The following PARP6 variants were observed in gnomAD, a reference collection of about 807,000 sequenced individuals.
PARP6 encodes the protein protein mono-ADP-ribosyltransferase PARP6.
Under a neutral mutation model 92.0 loss-of-function variants are expected in PARP6, and 27 were observed. That is an observed-to-expected ratio of 0.29 (90% CI 0.22 to 0.40). PARP6 has a LOEUF of 0.40. PARP6 is among the 10% of genes least tolerant of loss of function. The pLI, the probability that PARP6 is intolerant of heterozygous loss-of-function variation, is 1.00. For synonymous variants in PARP6, 272 were observed against 281.2 expected, an observed-to-expected ratio of 0.97 and a Z score of 0.33; for missense variants, 501 against 784.5, an observed-to-expected ratio of 0.64 and a Z score of 4.32.
chr15:72,264,958 T>G (rs1169477408), intron 7 of PARP6, 123 bp downstream of exon 7: 1 of 671,900 alleles, frequency 1.5e-6, no homozygotes, highest in Non-Finnish European at 2.7e-6. Flanking sequence ...AAAAAGCCCC[T>G]ACCAATAGCC....
At chr15:72,266,686 C>T (rs1390106481) in intron 4 of PARP6, 59 bp downstream of exon 4, 15 of 1,256,488 alleles carry the variant, frequency 1.2e-5, no homozygotes, top group South Asian at 1.2e-4. Context: ...CTGATGTATC[C>T]AAAAAGCAGC....
At position 72,241,487 on chromosome 15, in the gene PARP6, G is replaced by T. The variant is rs759456839; in HGVS notation, c.1861C>A (p.Arg621Ser). The T allele has an allele frequency of 2.5e-6, 4 of 1,614,000 alleles. No individual in the cohort carries two copies. In the East Asian group the frequency reaches 8.9e-5, roughly 36 times the overall value. The change falls in exon 24 of 24, where the codon CGT becomes AGT. Residue 621 changes from arginine (R) to serine (S), a missense_variant. Physicochemically the swap from Arg to Ser is moderately radical, Grantham distance 110. This residue lies in a region of PARP6 where 17 missense variants were observed against 16.5 expected (regional missense o/e 1.03). Coordinates refer to ENST00000569795, the MANE Select transcript of PARP6 (RefSeq NM_001323532.2). The surrounding 1 kb of genome is among the most constrained non-coding windows in gnomAD (Gnocchi z 4.1). Reference sequence around the variant, plus strand: ...GTGTAAACCTGAGTTCCGATCACACGCATGATTTCCTTCTGTATCTTGGGG... The same window carrying T: ...GTGTAAACCTGAGTTCCGATCACACTCATGATTTCCTTCTGTATCTTGGGG... ...QDPKIQKEIMRVIGTQVYTN is the reference protein window; with the variant it reads ...QDPKIQKEIMSVIGTQVYTN
At chr15:72,253,864 T>C (rs1201072779) in intron 15 of PARP6, 1 of 460,426 alleles carries the variant, frequency 2.2e-6, no homozygotes, top group African/African-American at 2.0e-5. Flanking sequence ...CAAAGCGTCC[T>C]CCTGACAAGT....
intron 20 of PARP6, among the ~76,000 whole-genome samples, chr15:72,247,240 T>C (rs1277638316): frequency 6.6e-6 from 1 of 152,108 alleles, no homozygotes; most frequent in African/African-American, 2.4e-5. Flanking sequence ...AGTGACATGA[T>C]CATGGCTCAC....
chr15:72,241,648 C>A lies in PARP6; in HGVS notation c.1791-91G>T. ...GAACTGTATTTCAAGGTATGGCCAT[C>A]CCATCCCAGAAGTCAAAGCCCTTTC... On this transcript the variant is annotated intron_variant, in intron 23 of 23. Transcript: ENST00000569795. The surrounding 1 kb of genome is among the most constrained non-coding windows in gnomAD (Gnocchi z 4.1). 2.0e-6 allele frequency: 2 copies of A among 1,024,848 alleles called. No homozygotes were observed. Among genetic ancestry groups the A allele is most frequent in the Non-Finnish European group, 1.5e-6 (1 of 660,630 alleles). The allele number at this position is 1,024,848 out of a possible 1,614,324, so 63.5% of individuals were successfully genotyped here.
intron 2 of PARP6, among the ~76,000 whole-genome samples, chr15:72,270,369 T>C (rs910645354): frequency 6.6e-6 from 1 of 152,130 alleles, no homozygotes; most frequent in African/African-American, 2.4e-5. Context: ...TTTCTGGTAA[T>C]CCCTACCTCC....
intron 17 of PARP6, 37 bp from the exon 18 acceptor site, chr15:72,250,991 A>G: frequency 6.8e-7 from 1 of 1,481,322 alleles, no homozygotes; most frequent in Non-Finnish European, 9.4e-7. Context: ...AGGAAAACAG[A>G]GCAGAAATCG....
chr15:72,251,495 A>C, intron 16 of PARP6: 1 of 250,648 alleles, frequency 4.0e-6, no homozygotes, highest in East Asian at 7.0e-5. Context: ...GAGTTAAACA[A>C]TGGATGAAAA....
Position 72,271,297 on chromosome 15 carries a change from G to T in PARP6, c.-459-10C>A, listed in dbSNP as rs2087394356. On this transcript the variant is annotated splice_polypyrimidine_tract_variant and intron_variant, in intron 1 of 23. Coordinates refer to ENST00000569795, the MANE Select transcript of PARP6 (RefSeq NM_001323532.2). The stretch of plus-strand genomic sequence containing the variant: ...TGCTTGGTTTCTGTTGCTATCACAA[G>T]GAGAAAAAGGTATTTCAGAGGGAGT... The T allele has an allele frequency of 1.3e-5, 2 of 152,138 alleles. No homozygotes were observed. The highest frequency in any genetic ancestry group is 4.8e-5 in the African/African-American group (2 of 41,426). The allele number at this position is 152,138 out of a possible 1,614,324, so 9.4% of individuals were successfully genotyped here.
Position 72,267,622 on chromosome 15 carries a change from T to C in PARP6, c.-145A>G. ...GCACGATGTCAGGGACAACTGGTGA[T>C]CTGTTGGGGATGGCAGGCTCTGCTG... On this transcript the variant is annotated 5_prime_UTR_variant, in exon 3 of 24. Transcript: ENST00000569795. 1 of 811,848 alleles carries C rather than the reference T, an allele frequency of 1.2e-6. No homozygotes were observed. The highest frequency in any genetic ancestry group is 1.5e-5 in the South Asian group (1 of 66,990). The allele number at this position is 811,848 out of a possible 1,614,324, so 50.3% of individuals were successfully genotyped here. A position where few individuals can be genotyped will look rare whatever the true frequency, so the allele number is the denominator to read the frequency against.
In PARP6 at chr15:72,268,886, C is replaced by G. The variant is rs536228303; in HGVS notation, c.-194-1215G>C. On this transcript the variant is annotated intron_variant, in intron 2 of 23. Coordinates refer to ENST00000569795, the MANE Select transcript of PARP6 (RefSeq NM_001323532.2). Reference sequence around the variant, plus strand: ...GCCCTTTCATACACAATTCCCTGCTCGCTTCTAATCCCACAGACTCCTAAT... The same window carrying G: ...GCCCTTTCATACACAATTCCCTGCTGGCTTCTAATCCCACAGACTCCTAAT... Among the ~76,000 whole-genome samples the G allele has an allele frequency of 3.9e-5, 6 of 152,250 alleles. No homozygotes were observed. The South Asian group carries it at 1.2e-3, about 32-fold the overall frequency.
intron 4 of PARP6, 56 bp downstream of exon 4, chr15:72,266,689 A>G (rs2086638455): frequency 7.8e-7 from 1 of 1,288,782 alleles, no homozygotes; most frequent in Admixed American, 1.7e-5. Context: ...ATGTATCCAA[A>G]AAGCAGCACA....
At chr15:72,250,743 G>A (rs713048) in intron 18 of PARP6, 102 bp downstream of exon 18, 161,616 of 678,852 alleles carry the variant, frequency 0.24, 20,582 homozygotes, top group East Asian at 0.4. Context: ...TCTGCTGACT[G>A]GTTGATGGAC....
At chr15:72,255,356 G>A (rs557273230) in intron 14 of PARP6, among the ~76,000 whole-genome samples, 17 of 152,120 alleles carry the variant, frequency 1.1e-4, no homozygotes, top group African/African-American at 3.4e-4. Context: ...GGGTTCAAGC[G>A]ATTCTCATGC....
intron 8 of PARP6, among the ~76,000 whole-genome samples, chr15:72,263,372 G>T (rs896662324): frequency 6.6e-6 from 1 of 151,990 alleles, no homozygotes; most frequent in Non-Finnish European, 1.5e-5. Flanking sequence ...CTCTTGTCTT[G>T]ACTTTTACAA....
rs556284588 is a variant in PARP6, at chr15:72,260,115, A to C, written c.756+363T>G. 7.9e-5 allele frequency among the ~76,000 whole-genome samples: 12 copies of C among 152,304 alleles called. No individual in the cohort carries two copies. In the East Asian group the frequency reaches 2.3e-3, roughly 29 times the overall value. ...GGAAGGCGGATCACTTGAGCTCAGG[A>C]GTTCAAGACTACCCTGGCCAACATG... On this transcript the variant is annotated intron_variant, in intron 10 of 23. Transcript: ENST00000569795.
In PARP6 at chr15:72,250,020, C is replaced by T; in HGVS notation, c.1491G>A (p.Gln497=). The T allele has an allele frequency of 6.3e-7, 1 of 1,592,210 alleles. No homozygotes were observed. Among genetic ancestry groups the T allele is most frequent in the Non-Finnish European group, 8.6e-7 (1 of 1,159,964 alleles). The part of the protein sequence containing the change: ...GLVNASYTKL[Q]LHGAAYGKGI... ...AAAGGAGAAAGGGGCACAGCCTCAC[C>T]TGCAGTTTGGTGTAGGATGCATTGA... The change falls in exon 19 of 24, where the codon CAG becomes CAA. Residue 497 remains glutamine (Q), a splice_region_variant and synonymous_variant. Coordinates refer to ENST00000569795, the MANE Select transcript of PARP6 (RefSeq NM_001323532.2).
At chr15:72,252,598 G>A (rs2084518164) in intron 16 of PARP6, among the ~76,000 whole-genome samples, 1 of 152,070 alleles carries the variant, frequency 6.6e-6, no homozygotes, top group East Asian at 1.9e-4. Flanking sequence ...CGATTCTCCT[G>A]CCTCAGCCTC....
At chr15:72,247,261 A>G (rs8028492) in intron 20 of PARP6, among the ~76,000 whole-genome samples, 1,582 of 151,700 alleles carry the variant, frequency 0.01, 24 homozygotes, top group African/African-American at 0.036. Context: ...TGCAGCTTCA[A>G]CCTCCTGGGC....
Sources: allele counts gnomAD v4.1 joint callset (sites outside exome capture counted in the v4.1 genomes callset), GRCh38; gene constraint gnomAD v4.1.1; regional missense constraint gnomAD v4.1.1; non-coding constraint Gnocchi (gnomAD v3.1); transcripts MANE v1.5; gene names NCBI Gene and HGNC (gene_info 2026-07-23, HGNC 2026-07-21).